The following MAML2 variants were observed in gnomAD, a reference collection of about 807,000 sequenced individuals.
The protein encoded by MAML2 is mastermind-like protein 2.
A neutral mutation model predicts 96.1 loss-of-function variants in MAML2; 22 were observed. That is an observed-to-expected ratio of 0.23 (90% CI 0.16 to 0.33). The LOEUF is 0.33. Ranked by LOEUF, MAML2 falls within the 10% of genes least tolerant of loss-of-function variation. The pLI is 1.00. For missense variants in MAML2, 1,367 were observed against 1,392.4 expected (o/e 0.98, Z 0.29); for synonymous variants, 561 against 521.3 (o/e 1.08, Z -1.04).
rs760671780 is a variant in MAML2 at position 96,341,852 on chromosome 11, C to A, written c.44G>T (p.Gly15Val). 210 of 1,557,876 alleles carry A rather than the reference C, an allele frequency of 1.3e-4. No homozygotes were observed. The highest frequency in any genetic ancestry group is 1.7e-4 in the Non-Finnish European group (196 of 1,155,812). The change falls in exon 1 of 5, where the codon GGG (glycine) becomes GTG (valine). Residue 15 changes from glycine (G) to valine (V), a missense_variant. Physicochemically the swap from Gly to Val is moderately radical, Grantham distance 109. Transcript: ENST00000524717. ...APPQAPAGGLGGASGAGLLGG... is the reference protein window; with the variant it reads ...APPQAPAGGLVGASGAGLLGG... ...AAGGAGCCCCGCCCCAGAGGCCCCC[C>A]CTAGCCCTCCTGCGGGGGCCTGCGG... is the stretch of plus-strand genomic sequence containing the variant.
chr11:96,173,809 C>T (rs1188403357), intron 1 of MAML2, among the ~76,000 whole-genome samples: 2 of 152,234 alleles, frequency 1.3e-5, no homozygotes, highest in Admixed American at 1.3e-4. Flanking sequence ...CCAGCTCCTG[C>T]CTCACTCCAA....
intron 1 of MAML2, among the ~76,000 whole-genome samples, chr11:96,280,816 G>A (rs957477954): frequency 2.6e-5 from 4 of 152,218 alleles, no homozygotes; most frequent in African/African-American, 9.6e-5. Flanking sequence ...TTTACATAAT[G>A]TTATTCTGTG....
intron 1 of MAML2, among the ~76,000 whole-genome samples, chr11:96,155,533 T>C (rs1285067590): frequency 1.0e-4 from 9 of 87,908 alleles, no homozygotes; most frequent in South Asian, 4.2e-4. Flanking sequence ...TATATATATA[T>C]ATATATATAT....
chr11:96,298,635 C>T (rs1863334627), intron 1 of MAML2, among the ~76,000 whole-genome samples: 1 of 151,470 alleles, frequency 6.6e-6, no homozygotes, highest in East Asian at 1.9e-4. Context: ...TGCTAGGTTG[C>T]ATATCTATAC....
At chr11:96,224,395 C>T (rs926210843) in intron 1 of MAML2, among the ~76,000 whole-genome samples, 1 of 152,114 alleles carries the variant, frequency 6.6e-6, no homozygotes, top group African/African-American at 2.4e-5. Context: ...CCAACAGTGC[C>T]CCAACCCCAT....
Position 96,342,736 on chromosome 11 carries a change from C to T in MAML2, c.-841G>A, listed in dbSNP as rs979549728. 21 of 324,494 alleles carry T rather than the reference C, an allele frequency of 6.5e-5. No homozygotes were observed. Among genetic ancestry groups the T allele is most frequent in the Non-Finnish European group, 1.2e-4 (21 of 179,886 alleles). The allele number at this position is 324,494 out of a possible 1,614,324, so 20.1% of individuals were successfully genotyped here. ...AAATCCTCACTCCCTCTAAGGTTTC[C>T]TAGCCTTAAATGAAAAGCAATCTTA... On this transcript the variant is annotated 5_prime_UTR_variant, in exon 1 of 5. Coordinates refer to ENST00000524717, the MANE Select transcript of MAML2 (RefSeq NM_032427.4).
chr11:96,199,298 G>A (rs1301422758), intron 1 of MAML2, among the ~76,000 whole-genome samples: 2 of 149,350 alleles, frequency 1.3e-5, no homozygotes, highest in Non-Finnish European at 3.0e-5. Flanking sequence ...CAGCCATCTT[G>A]TCCGTGACAG....
chr11:96,075,942 G>A (rs373671533), intron 2 of MAML2, among the ~76,000 whole-genome samples: 48 of 152,300 alleles, frequency 3.2e-4, no homozygotes, highest in Middle Eastern at 3.4e-3. Context: ...ACATTCTCAT[G>A]CTTCCCCAAA....
At chr11:96,192,091 A>G (rs1241221685) in intron 1 of MAML2, among the ~76,000 whole-genome samples, 1 of 152,228 alleles carries the variant, frequency 6.6e-6, no homozygotes, top group Non-Finnish European at 1.5e-5. Context: ...TCTCATGGAT[A>G]AGCAGAGTCT....
At chr11:96,118,237 C>T (rs1056344003) in intron 1 of MAML2, among the ~76,000 whole-genome samples, 1 of 152,194 alleles carries the variant, frequency 6.6e-6, no homozygotes, top group Non-Finnish European at 1.5e-5. Context: ...AAATTCCCAA[C>T]TGCAATGTCC....
chr11:96,156,720 C>T (rs189721455), intron 1 of MAML2, among the ~76,000 whole-genome samples: 83 of 152,318 alleles, frequency 5.4e-4, no homozygotes, highest in Admixed American at 4.1e-3. Flanking sequence ...AAAGAATGGT[C>T]ATGGTTCATC....
intron 1 of MAML2, among the ~76,000 whole-genome samples, chr11:96,172,472 G>A (rs550259269): frequency 3.3e-5 from 5 of 152,332 alleles, no homozygotes; most frequent in African/African-American, 1.2e-4. Flanking sequence ...CAAGAGAACA[G>A]CTTCTTTTCT....
chr11:96,051,766 G>A (rs1438188281), intron 2 of MAML2, among the ~76,000 whole-genome samples: 1 of 152,188 alleles, frequency 6.6e-6, no homozygotes, highest in African/African-American at 2.4e-5. Context: ...GAGAACCAGG[G>A]AGATAGGCAA....
At chr11:96,100,150 T>C (rs1859900418) in intron 1 of MAML2, among the ~76,000 whole-genome samples, 1 of 152,210 alleles carries the variant, frequency 6.6e-6, no homozygotes, top group Admixed American at 6.5e-5. Flanking sequence ...ATGCCCTTCC[T>C]GGGTGAAAGC....
intron 2 of MAML2, among the ~76,000 whole-genome samples, chr11:96,058,323 T>C (rs1343420084): frequency 7.6e-6 from 1 of 131,332 alleles, no homozygotes; most frequent in Non-Finnish European, 1.7e-5. Context: ...TTGTTTTGCT[T>C]GTTTTGTTTC....
At chr11:96,296,136 AAGCAATCCACCTGCTTCAGCCTCCAAGT>A (rs1243263748) in intron 1 of MAML2, among the ~76,000 whole-genome samples, 1 of 152,108 alleles carries the variant, frequency 6.6e-6, no homozygotes, top group Non-Finnish European at 1.5e-5. Flanking sequence ...TCCTGGGCTC[AAGCAATCCACCTGCTTCAGCCTCCAAGT>A]AGCAGGGACT....
At chr11:96,270,796 G>A (rs981050201) in intron 1 of MAML2, among the ~76,000 whole-genome samples, 2 of 152,148 alleles carry the variant, frequency 1.3e-5, no homozygotes, top group Non-Finnish European at 2.9e-5. Flanking sequence ...TGACTGGATT[G>A]AAAGATGCAA....
intron 1 of MAML2, among the ~76,000 whole-genome samples, chr11:96,189,053 T>C (rs1861614126): frequency 6.6e-6 from 1 of 150,766 alleles, no homozygotes; most frequent in Non-Finnish European, 1.5e-5. Flanking sequence ...TCTAGCTCAA[T>C]GCTAGAAACT....
At chr11:96,180,041 A>T (rs148562484) in intron 1 of MAML2, among the ~76,000 whole-genome samples, 8 of 152,362 alleles carry the variant, frequency 5.3e-5, no homozygotes, top group African/African-American at 1.9e-4. Flanking sequence ...AAACTAAGAA[A>T]CCATGACTTT....
Sources: gnomAD v4.1 joint callset for allele counts (sites outside exome capture counted in the v4.1 genomes callset) on GRCh38, gnomAD v4.1.1 for gene constraint, MANE v1.5 for transcripts, NCBI Gene and HGNC (gene_info 2026-07-23, HGNC 2026-07-21) for gene names.